Variants in C2CD3 observed in about 807,000 individuals in gnomAD.
The protein encoded by C2CD3 is C2 domain-containing protein 3.
C2CD3 carries 148 observed loss-of-function variants against 234.0 expected under a neutral mutation model. The observed-to-expected ratio is 0.63, with a 90% confidence interval of 0.55 to 0.72. C2CD3 has a LOEUF of 0.72. Among genes scored for constraint, C2CD3 ranks in the 30% least tolerant of loss-of-function variants. The pLI is 0.00. For synonymous variants in C2CD3, 1,000 were observed against 1,035.4 expected, an observed-to-expected ratio of 0.97 and a Z score of 0.66; for missense variants, 2,577 against 2,811.5, an observed-to-expected ratio of 0.92 and a Z score of 1.89.
rs1275959681 is a variant in C2CD3, at chr11:74,170,781, T to C, written c.12A>G (p.Arg4=). Reference sequence around the variant, plus strand: ...GGCTGCCCCCAGACCCTTGGCCTTTTCGTTGTTTCATGATGAGCCCGAGCT... The same window carrying C: ...GGCTGCCCCCAGACCCTTGGCCTTTCCGTTGTTTCATGATGAGCCCGAGCT... MKQ[R]KGQGSGGSRG... The change falls in exon 1 of 33, where the codon CGA becomes CGG. Residue 4 remains arginine, a synonymous_variant. Transcript: ENST00000334126. 2 of 1,614,088 alleles carry C rather than the reference T, an allele frequency of 1.2e-6. No homozygotes were observed. The highest frequency in any genetic ancestry group is 1.1e-5 in the South Asian group (1 of 91,090).
intron 24 of C2CD3, among the ~76,000 whole-genome samples, chr11:74,072,899 CATATG>C (rs1456244424): frequency 6.6e-6 from 1 of 151,966 alleles, no homozygotes; most frequent in African/African-American, 2.4e-5. Context: ...TACTGTGTGA[CATATG>C]ATATGATACA....
intron 32 of C2CD3, among the ~76,000 whole-genome samples, chr11:74,021,097 T>G (rs558474854): frequency 3.9e-5 from 6 of 152,240 alleles, no homozygotes; most frequent in Admixed American, 6.5e-5. Context: ...TCAGGGAGGA[T>G]TCCAAGAGTT....
rs967329396 is a variant in C2CD3 at position 74,021,923 on chromosome 11, C to T, written c.6921+6364G>A. Among the ~76,000 whole-genome samples, 18 of 152,200 alleles carry T rather than the reference C, an allele frequency of 1.2e-4. No individual in the cohort carries two copies. In the South Asian group the frequency reaches 1.9e-3, roughly 16 times the overall value. ...GGCAGATCACTTGAGGTCAGGAGTT[C>T]GAGACCAGCCTGGCCAACATGGTGA... is the stretch of plus-strand genomic sequence containing the variant. On this transcript the variant is annotated intron_variant, in intron 32 of 32. Transcript: ENST00000334126.
At chr11:74,100,274 C>T (rs1006641942) in intron 15 of C2CD3, among the ~76,000 whole-genome samples, 1 of 152,142 alleles carries the variant, frequency 6.6e-6, no homozygotes, top group African/African-American at 2.4e-5. Flanking sequence ...GAAGTACCTG[C>T]CTCAGAGGGT....
At chr11:74,027,197 C>A (rs1952336414) in intron 32 of C2CD3, among the ~76,000 whole-genome samples, 1 of 152,114 alleles carries the variant, frequency 6.6e-6, no homozygotes, top group Non-Finnish European at 1.5e-5. Flanking sequence ...ACCTCCACCT[C>A]CTGGGCTCAA....
intron 24 of C2CD3, among the ~76,000 whole-genome samples, chr11:74,071,180 C>T (rs1317617996): frequency 2.6e-5 from 4 of 152,332 alleles, no homozygotes; most frequent in East Asian, 1.9e-4. Context: ...GCAAAGCAAA[C>T]ATAATGTCCT....
chr11:74,090,117 A>T (rs980380319), intron 20 of C2CD3, among the ~76,000 whole-genome samples: 1 of 152,028 alleles, frequency 6.6e-6, no homozygotes, highest in Admixed American at 6.6e-5. Flanking sequence ...GAGTGGAGTA[A>T]GCAGAGGGCA....
Position 74,064,430 on chromosome 11 carries a change from T to A in C2CD3, c.4952-6886A>T, listed in dbSNP as rs182129205. 2.4e-3 allele frequency among the ~76,000 whole-genome samples: 369 copies of A among 152,120 alleles called. 2 individuals are homozygous for A. Among genetic ancestry groups the A allele is most frequent in the African/African-American group, 8.5e-3 (352 of 41,482 alleles). On this transcript the variant is annotated intron_variant, in intron 24 of 32. Transcript: ENST00000334126. Reference sequence around the variant, plus strand: ...CTCAATGAAATAAAAGAGGACACAATCAAATGGAAGAATATTCCATGCTCA... The same window carrying A: ...CTCAATGAAATAAAAGAGGACACAAACAAATGGAAGAATATTCCATGCTCA...
chr11:74,110,082 A>AAAATAAATAAATAAATAAATAAAT (rs56925936), intron 11 of C2CD3, among the ~76,000 whole-genome samples: 5 of 144,546 alleles, frequency 3.5e-5, no homozygotes, highest in Middle Eastern at 3.4e-3. Flanking sequence ...CTCTGTCTCA[A>AAAATAAATAAATAAATAAATAAAT]AAATAAATAA....
intron 3 of C2CD3, among the ~76,000 whole-genome samples, chr11:74,147,956 T>G (rs919824262): frequency 6.6e-6 from 1 of 152,218 alleles, no homozygotes; most frequent in East Asian, 1.9e-4. Context: ...ATACTGGAAG[T>G]GTAACATATG....
intron 24 of C2CD3, among the ~76,000 whole-genome samples, chr11:74,074,042 C>A (rs1186211572): frequency 6.6e-6 from 1 of 152,210 alleles, no homozygotes. Flanking sequence ...AAGTATCTAT[C>A]TAGGTTGAGA....
At chr11:74,106,312 C>T in intron 13 of C2CD3, 59 bp downstream of exon 13, 2 of 1,574,646 alleles carry the variant, frequency 1.3e-6, no homozygotes, top group Non-Finnish European at 1.7e-6. Context: ...ATCCTCAGTG[C>T]CAGCCAATAA....
intron 11 of C2CD3, among the ~76,000 whole-genome samples, chr11:74,110,878 C>A (rs954055566): frequency 6.6e-6 from 1 of 152,124 alleles, no homozygotes. Context: ...GAGAGGCCCA[C>A]AGGTAAGAAA....
intron 22 of C2CD3, among the ~76,000 whole-genome samples, chr11:74,082,621 C>T (rs1218692656): frequency 3.3e-5 from 5 of 152,048 alleles, no homozygotes; most frequent in Non-Finnish European, 7.4e-5. Flanking sequence ...AGCCTTGCAT[C>T]CCAGGGATGA....
intron 24 of C2CD3, among the ~76,000 whole-genome samples, chr11:74,062,180 G>A (rs1180483557): frequency 6.6e-6 from 1 of 152,068 alleles, no homozygotes; most frequent in Admixed American, 6.6e-5. Flanking sequence ...TAATAGGAGA[G>A]TTTAACACCC....
At chr11:74,153,576 C>T (rs1004259104) in intron 3 of C2CD3, among the ~76,000 whole-genome samples, 1 of 152,066 alleles carries the variant, frequency 6.6e-6, no homozygotes, top group Admixed American at 6.5e-5. Context: ...ATACCATGTT[C>T]ATGGATTGGA....
Position 74,017,197 on chromosome 11 carries a change from T to G in C2CD3, c.6922-3672A>C, listed in dbSNP as rs1434000984. On this transcript the variant is annotated intron_variant, in intron 32 of 32. Transcript: ENST00000334126. ...AATGTCTGGGGGGAATTTGATCTTA[T>G]TCTTCTTGGACTTCAGCGAGCTGAT... Among the ~76,000 whole-genome samples, 3 of 152,182 alleles carry G rather than the reference T, an allele frequency of 2.0e-5. No homozygotes were observed. The East Asian group carries it at 5.8e-4, about 29-fold the overall frequency.
At chr11:74,112,163 G>C (rs896065220) in intron 11 of C2CD3, among the ~76,000 whole-genome samples, 1 of 152,132 alleles carries the variant, frequency 6.6e-6, no homozygotes, top group Admixed American at 6.5e-5. Flanking sequence ...TGCTGTAAAG[G>C]AAAAGTTATT....
At chr11:74,159,591 T>A (rs1856302106) in intron 3 of C2CD3, among the ~76,000 whole-genome samples, 1 of 152,114 alleles carries the variant, frequency 6.6e-6, no homozygotes, top group African/African-American at 2.4e-5. Flanking sequence ...AATAGGGATA[T>A]AAAAAATTTT....
Sources: allele counts gnomAD v4.1 joint callset (sites outside exome capture counted in the v4.1 genomes callset), GRCh38; gene constraint gnomAD v4.1.1; transcripts MANE v1.5; gene names NCBI Gene and HGNC (gene_info 2026-07-23, HGNC 2026-07-21).